The following MALRD1 variants were observed in gnomAD, a reference collection of about 807,000 sequenced individuals.
MALRD1 encodes MAM and LDL-receptor class A domain-containing protein 1.
In MALRD1, 247 loss-of-function variants were observed where a neutral mutation model predicts 242.1. That is an observed-to-expected ratio of 1.02 (90% CI 0.92 to 1.13). The LOEUF (loss-of-function observed/expected upper bound fraction) is 1.13. Ranked by LOEUF, MALRD1 falls within the 50% of genes most tolerant of loss-of-function variation. MALRD1 has a pLI of 0.00. For missense variants in MALRD1, 2,989 were observed against 2,533.1 expected (o/e 1.18, Z -3.86); for synonymous variants, 995 against 866.6 (o/e 1.15, Z -2.60).
intron 29 of MALRD1, among the ~76,000 whole-genome samples, chr10:19,490,508 G>GGT (rs1837436563): frequency 1.0e-5 from 1 of 99,448 alleles, no homozygotes; most frequent in Non-Finnish European, 2.1e-5. Context: ...AAGTGGGGCG[G>GGT]GGGGGGGGCA....
intron 18 of MALRD1, among the ~76,000 whole-genome samples, chr10:19,252,337 A>G (rs997267676): frequency 3.3e-5 from 5 of 152,050 alleles, no homozygotes; most frequent in East Asian, 1.9e-4. Context: ...AGTCTTCTCT[A>G]TCGTAAATGG....
At chr10:19,212,807 C>G (rs975516344) in intron 18 of MALRD1, among the ~76,000 whole-genome samples, 5 of 152,088 alleles carry the variant, frequency 3.3e-5, no homozygotes, top group African/African-American at 9.7e-5. Flanking sequence ...AGTGGCGTCT[C>G]GTTTTGGTTT....
At chr10:19,220,278 T>G (rs1837501653) in intron 18 of MALRD1, among the ~76,000 whole-genome samples, 1 of 151,634 alleles carries the variant, frequency 6.6e-6, no homozygotes, top group South Asian at 2.1e-4. Flanking sequence ...AGGGGAGGAG[T>G]CATATTCCAA....
At chr10:19,212,149 G>A (rs551338252) in intron 18 of MALRD1, among the ~76,000 whole-genome samples, 54 of 152,112 alleles carry the variant, frequency 3.6e-4, no homozygotes, top group Non-Finnish European at 6.0e-4. Context: ...TAAAAATATT[G>A]AAAGTTTAGA....
At chr10:19,283,369 T>G (rs533079862) in intron 21 of MALRD1, among the ~76,000 whole-genome samples, 188 bp downstream of exon 21, 2 of 152,310 alleles carry the variant, frequency 1.3e-5, no homozygotes, top group East Asian at 3.9e-4. Flanking sequence ...AATGCTCTTG[T>G]GAATTTCATA....
intron 28 of MALRD1, among the ~76,000 whole-genome samples, chr10:19,449,527 G>A (rs1429284451): frequency 1.3e-5 from 2 of 149,864 alleles, no homozygotes; most frequent in Non-Finnish European, 2.9e-5. Flanking sequence ...ATATGCCTCT[G>A]TTTTGGTGAG....
chr10:19,110,205 G>C (rs556123114), intron 5 of MALRD1, among the ~76,000 whole-genome samples: 4 of 152,076 alleles, frequency 2.6e-5, no homozygotes, highest in Non-Finnish European at 5.9e-5. Flanking sequence ...TCTCTAGTCA[G>C]TTGTCTTGCT....
At chr10:19,530,385 T>TTTGTATAA in intron 31 of MALRD1, among the ~76,000 whole-genome samples, 1 of 85,244 alleles carries the variant, frequency 1.2e-5, no homozygotes, top group South Asian at 3.1e-4. Flanking sequence ...ATAAATATTA[T>TTTGTATAA]ATATTTATAT....
chr10:19,349,675 T>C (rs1222536338), intron 25 of MALRD1, among the ~76,000 whole-genome samples: 1 of 152,204 alleles, frequency 6.6e-6, no homozygotes, highest in Non-Finnish European at 1.5e-5. Flanking sequence ...CCAGATTTTC[T>C]CTATGTTGGG....
intron 33 of MALRD1, among the ~76,000 whole-genome samples, chr10:19,586,950 C>T (rs754366256): frequency 5.9e-5 from 9 of 152,190 alleles, no homozygotes; most frequent in South Asian, 2.1e-4. Context: ...TTAGGCCCGT[C>T]GGAAAAGCGC....
Position 19,146,078 on chromosome 10 carries a change from A to G in MALRD1, c.1412-120A>G, listed in dbSNP as rs1833717938. On this transcript the variant is annotated intron_variant, in intron 10 of 39. Transcript: ENST00000454679. ...GGAAAGCTATTCCGATCATTAGAGAATATTCACTACCAAGCAGAATAATTT... is the reference window on the plus strand; with the variant it reads ...GGAAAGCTATTCCGATCATTAGAGAGTATTCACTACCAAGCAGAATAATTT... 4.4e-6 allele frequency: 3 copies of G among 677,368 alleles called. No individual in the cohort carries two copies. In the African/African-American group the frequency reaches 5.6e-5, roughly 13 times the overall value. 42.0% of individuals were successfully genotyped at this position (677,368 alleles called of 1,614,324 possible).
At chr10:19,216,545 C>T (rs1177775744) in intron 18 of MALRD1, among the ~76,000 whole-genome samples, 1 of 152,118 alleles carries the variant, frequency 6.6e-6, no homozygotes, top group South Asian at 2.1e-4. Flanking sequence ...TCTTGAACCT[C>T]AGATGTTATC....
chr10:19,238,532 C>CATTATAATATATAATGTAT (rs1838576614), intron 18 of MALRD1, among the ~76,000 whole-genome samples: 1 of 55,866 alleles, frequency 1.8e-5, no homozygotes, highest in Non-Finnish European at 3.2e-5. Context: ...ATATAATATA[C>CATTATAATATATAATGTAT]ATTATATATA....
intron 18 of MALRD1, among the ~76,000 whole-genome samples, chr10:19,257,032 T>G (rs552231025): frequency 6.6e-6 from 1 of 152,192 alleles, no homozygotes; most frequent in South Asian, 2.1e-4. Context: ...CAATCTACCA[T>G]ATACTACAGT....
intron 28 of MALRD1, among the ~76,000 whole-genome samples, chr10:19,433,031 C>T (rs1834207022): frequency 6.6e-6 from 1 of 152,172 alleles, no homozygotes; most frequent in Non-Finnish European, 1.5e-5. Context: ...ATTCCACTTG[C>T]AGTTATTTAT....
At position 19,520,253 on chromosome 10, in the gene MALRD1, C is replaced by T. The variant is rs137887541; in HGVS notation, c.5321-10941C>T. Among the ~76,000 whole-genome samples the T allele has an allele frequency of 8.6e-5, 13 of 151,896 alleles. No individual in the cohort carries two copies. In the East Asian group the frequency reaches 2.5e-3, roughly 29 times the overall value. ...GTCCTTTAATGTGGATTTCTCAAAA[C>T]ATCCCAAAATGTATAAAACTGATGA... is the stretch of plus-strand genomic sequence containing the variant. On this transcript the variant is annotated intron_variant, in intron 31 of 39. Coordinates refer to ENST00000454679, the MANE Select transcript of MALRD1 (RefSeq NM_001142308.3).
chr10:19,503,482 GAA>G (rs1355955703), intron 31 of MALRD1, among the ~76,000 whole-genome samples: 1 of 152,176 alleles, frequency 6.6e-6, no homozygotes, highest in Non-Finnish European at 1.5e-5. Flanking sequence ...GTTGGGGAGA[GAA>G]ACAACAAACA....
chr10:19,342,309 T>A lies in MALRD1; in HGVS notation c.3902-5462T>A, dbSNP rs115709426. Among the ~76,000 whole-genome samples the A allele has an allele frequency of 2.9e-3, 442 of 152,228 alleles. 4 individuals carry two copies. The highest frequency in any genetic ancestry group is 0.01 in the African/African-American group (424 of 41,564). ...TCTTAGTCAATAACCATTTAAAATCTAAGGAAGCATCTTATAATTAACACT... is the reference window on the plus strand; with the variant it reads ...TCTTAGTCAATAACCATTTAAAATCAAAGGAAGCATCTTATAATTAACACT... On this transcript the variant is annotated intron_variant, in intron 24 of 39. Transcript: ENST00000454679.
At chr10:19,329,669 G>A (rs1398924605) in intron 23 of MALRD1, among the ~76,000 whole-genome samples, 2 of 152,148 alleles carry the variant, frequency 1.3e-5, no homozygotes, top group African/African-American at 4.8e-5. Flanking sequence ...TGTAGACAAG[G>A]TCAGGCCTTC....
Sources: gnomAD v4.1 joint callset for allele counts (sites outside exome capture counted in the v4.1 genomes callset) on GRCh38, gnomAD v4.1.1 for gene constraint, MANE v1.5 for transcripts, NCBI Gene and HGNC (gene_info 2026-07-23, HGNC 2026-07-21) for gene names.